Variants in SPATA6L observed in about 807,000 individuals in gnomAD.
The protein encoded by SPATA6L is spermatogenesis associated 6-like protein.
SPATA6L carries 68 observed loss-of-function variants against 49.2 expected under a neutral mutation model. The ratio of observed to expected loss-of-function variants is 1.38; its 90% CI spans 1.14 to 1.69. SPATA6L has a LOEUF of 1.69. SPATA6L is among the 40% of genes most tolerant of loss of function. SPATA6L has a pLI of 0.00. For missense variants in SPATA6L, 668 were observed against 464.3 expected, an observed-to-expected ratio of 1.44 and a Z score of -4.03; for synonymous variants, 198 against 165.7, an observed-to-expected ratio of 1.19 and a Z score of -1.50.
chr9:4,649,062 TACACACACACACACAC>T lies in SPATA6L; in HGVS notation c.226+6963_226+6978del, dbSNP rs55949521. On this transcript the variant is annotated intron_variant, in intron 3 of 11. Coordinates refer to ENST00000682582, the MANE Select transcript of SPATA6L (RefSeq NM_001353486.2). ...TCATATATAATGGAATATAGAAATATACACACACACACACACACACACACACACACACATATCACAG... is the reference window on the plus strand; with the variant it reads ...TCATATATAATGGAATATAGAAATATACACACACACACACACATATCACAG... Among the ~76,000 whole-genome samples the T allele has an allele frequency of 5.6e-4, 84 of 150,164 alleles. 1 individual carries two copies. The East Asian group carries it at 0.01, about 18-fold the overall frequency.
intron 9 of SPATA6L, among the ~76,000 whole-genome samples, chr9:4,607,434 A>C (rs1825564035): frequency 6.6e-6 from 1 of 152,246 alleles, no homozygotes; most frequent in African/African-American, 2.4e-5. Flanking sequence ...CATCAGACTA[A>C]CAGCGGATCT....
intron 13 of SPATA6L, among the ~76,000 whole-genome samples, chr9:4,591,692 G>C (rs1020814232): frequency 6.6e-6 from 1 of 152,170 alleles, no homozygotes; most frequent in African/African-American, 2.4e-5. Flanking sequence ...AAGGCTCTCT[G>C]CTCCATCAGA....
rs1839954773 is a variant in SPATA6L, at chr9:4,662,189, C to T, written c.40-153G>A. The stretch of plus-strand genomic sequence containing the variant: ...CTGTACCTCCCAACGCCAACATCCT[C>T]CCCTCTGCTCTCCTCACATTGGAAA... On this transcript the variant is annotated intron_variant, in intron 1 of 11. Coordinates refer to ENST00000682582, the MANE Select transcript of SPATA6L (RefSeq NM_001353486.2). This position sits in a 1 kb window ranked among gnomAD's most constrained non-coding sequence, Gnocchi z 4.9. The T allele has an allele frequency of 6.9e-7, 1 of 1,441,094 alleles. No homozygotes were observed. Among genetic ancestry groups the T allele is most frequent in the Non-Finnish European group, 9.1e-7 (1 of 1,101,222 alleles). The allele number at this position is 1,441,094 out of a possible 1,614,324, so 89.3% of individuals were successfully genotyped here. A position where few individuals can be genotyped will look rare whatever the true frequency, so the allele number is the denominator to read the frequency against.
At chr9:4,638,790 C>T (rs536007432) in intron 3 of SPATA6L, among the ~76,000 whole-genome samples, 2 of 120,292 alleles carry the variant, frequency 1.7e-5, no homozygotes, top group African/African-American at 8.7e-5. Context: ...CTTTTCTTTT[C>T]TTTTTTTTTT....
intron 9 of SPATA6L, among the ~76,000 whole-genome samples, chr9:4,611,452 G>A (rs1191060849): frequency 6.0e-5 from 9 of 149,376 alleles, no homozygotes; most frequent in African/African-American, 1.0e-4. Context: ...TATATACCAC[G>A]GAATACTATG....
At chr9:4,601,990 T>C (rs1020480313) in intron 11 of SPATA6L, among the ~76,000 whole-genome samples, 5 of 152,104 alleles carry the variant, frequency 3.3e-5, no homozygotes, top group African/African-American at 9.7e-5. Context: ...CCCTCCAGGA[T>C]CCCAGCCTCT....
At chr9:4,611,606 C>T (rs1438082683) in intron 9 of SPATA6L, among the ~76,000 whole-genome samples, 1 of 130,410 alleles carries the variant, frequency 7.7e-6, no homozygotes, top group East Asian at 2.2e-4. Flanking sequence ...AATGAGATCA[C>T]ATGGACACAG....
intron 6 of SPATA6L, chr9:4,625,109 A>G: frequency 4.2e-6 from 3 of 707,612 alleles, no homozygotes; most frequent in Non-Finnish European, 6.2e-6. Context: ...GGGATGGCTG[A>G]CATTTACTGA....
rs1164379545 is a variant in SPATA6L, at chr9:4,638,931, C to T, written c.227-3532G>A. Among the ~76,000 whole-genome samples the T allele has an allele frequency of 1.5e-4, 23 of 151,966 alleles. 1 individual carries two copies. The highest frequency in any genetic ancestry group is 7.7e-4 in the East Asian group (4 of 5,180). Reference sequence around the variant, plus strand: ...TCCCGAGTAACTGGGACTACAGACGCGCACCACAAATTCAAGTTCTAGGGT... The same window carrying T: ...TCCCGAGTAACTGGGACTACAGACGTGCACCACAAATTCAAGTTCTAGGGT... On this transcript the variant is annotated intron_variant, in intron 3 of 11. Coordinates refer to ENST00000682582, the MANE Select transcript of SPATA6L (RefSeq NM_001353486.2).
At chr9:4,614,490 G>T (rs1827513231) in intron 9 of SPATA6L, among the ~76,000 whole-genome samples, 1 of 152,156 alleles carries the variant, frequency 6.6e-6, no homozygotes, top group South Asian at 2.1e-4. Flanking sequence ...ACACAGTGCT[G>T]ACAACCCCCA....
intron 3 of SPATA6L, among the ~76,000 whole-genome samples, chr9:4,652,169 C>T (rs1232416416): frequency 6.6e-6 from 1 of 152,116 alleles, no homozygotes; most frequent in Non-Finnish European, 1.5e-5. Context: ...GCCTGTAATC[C>T]CAGCACTTTC....
intron 3 of SPATA6L, among the ~76,000 whole-genome samples, chr9:4,654,460 T>A (rs1160561882): frequency 6.6e-6 from 1 of 152,092 alleles, no homozygotes; most frequent in Non-Finnish European, 1.5e-5. Context: ...AGTGGGTGTG[T>A]TTTACAGTTT....
chr9:4,632,677 A>G (rs1831878278), intron 4 of SPATA6L, among the ~76,000 whole-genome samples: 1 of 152,150 alleles, frequency 6.6e-6, no homozygotes, highest in African/African-American at 2.4e-5. Flanking sequence ...CACCTAGATT[A>G]CAGCCAGGGA....
chr9:4,618,874 G>C lies in SPATA6L; in HGVS notation c.797C>G (p.Ala266Gly), dbSNP rs147973115. The part of the protein sequence containing the change: ...RRASSLDSLA[A>G]NVKVIKEPDE... ...TACTTCTAAAATTACCTTTACGTTAGCTGCAAGGCTGTCAAGAGAAGAAGC... is the reference window on the plus strand; with the variant it reads ...TACTTCTAAAATTACCTTTACGTTACCTGCAAGGCTGTCAAGAGAAGAAGC... The change falls in exon 8 of 12, where the codon GCT becomes GGT. Residue 266 changes from alanine to glycine, a missense_variant. Transcript: ENST00000682582. 5.2e-4 allele frequency: 844 copies of C among 1,612,840 alleles called. 4 individuals carry two copies. The African/African-American group carries it at 9.1e-3, about 17-fold the overall frequency.
In SPATA6L at chr9:4,662,813, G is replaced by T; in HGVS notation, c.40-777C>A. The T allele has an allele frequency of 1.2e-6, 2 of 1,605,088 alleles. No individual in the cohort carries two copies. The stretch of plus-strand genomic sequence containing the variant: ...AGATCTCGGGACACGGCATCCCCTG[G>T]CTGCTGGGCACCCTCTACTGCCTGT... On this transcript the variant is annotated intron_variant, in intron 1 of 11. Coordinates refer to ENST00000682582, the MANE Select transcript of SPATA6L (RefSeq NM_001353486.2). The surrounding 1 kb of genome is among the most constrained non-coding windows in gnomAD (Gnocchi z 4.9).
At chr9:4,643,199 G>C (rs930791717) in intron 3 of SPATA6L, among the ~76,000 whole-genome samples, 7 of 152,122 alleles carry the variant, frequency 4.6e-5, no homozygotes, top group African/African-American at 1.4e-4. Context: ...GTAGAAACAG[G>C]GTTTCACTAT....
chr9:4,655,289 A>C (rs2130752919), intron 3 of SPATA6L, among the ~76,000 whole-genome samples: 1 of 152,342 alleles, frequency 6.6e-6, no homozygotes, highest in Admixed American at 6.5e-5. Context: ...TCAATCACAA[A>C]GGAGCACATG....
intron 9 of SPATA6L, among the ~76,000 whole-genome samples, chr9:4,608,861 G>C (rs1825969882): frequency 6.6e-6 from 1 of 152,030 alleles, no homozygotes; most frequent in African/African-American, 2.4e-5. Context: ...CCAGGATCTG[G>C]TTTTTTGAAA....
At chr9:4,643,543 T>C (rs947775842) in intron 3 of SPATA6L, among the ~76,000 whole-genome samples, 1 of 152,144 alleles carries the variant, frequency 6.6e-6, no homozygotes, top group Non-Finnish European at 1.5e-5. Flanking sequence ...TATTAATTTA[T>C]GGATAACACC....
Sources: allele counts gnomAD v4.1 joint callset (sites outside exome capture counted in the v4.1 genomes callset), GRCh38; gene constraint gnomAD v4.1.1; non-coding constraint Gnocchi (gnomAD v3.1); transcripts MANE v1.5; gene names NCBI Gene and HGNC (gene_info 2026-07-23, HGNC 2026-07-21).